Variants in MIPOL1 observed in about 807,000 individuals in gnomAD.
MIPOL1 encodes mirror-image polydactyly 1.
MIPOL1 carries 57 observed loss-of-function variants against 60.9 expected under a neutral mutation model. The ratio of observed to expected loss-of-function variants is 0.94; its 90% CI spans 0.76 to 1.17. MIPOL1 has a LOEUF of 1.17. Among genes scored for constraint, MIPOL1 ranks in the 50% most tolerant of loss-of-function variants. MIPOL1 has a pLI of 0.00. For synonymous variants in MIPOL1, 179 were observed against 168.8 expected, an observed-to-expected ratio of 1.06 and a Z score of -0.47; for missense variants, 551 against 511.6, an observed-to-expected ratio of 1.08 and a Z score of -0.74.
intron 7 of MIPOL1, among the ~76,000 whole-genome samples, chr14:37,296,725 G>A (rs1438612118): frequency 2.0e-5 from 3 of 152,074 alleles, no homozygotes; most frequent in East Asian, 3.9e-4. Flanking sequence ...TAAATTCCTG[G>A]ACACATACAC....
chr14:37,267,570 T>G (rs1442208869), intron 4 of MIPOL1, among the ~76,000 whole-genome samples: 1 of 152,154 alleles, frequency 6.6e-6, no homozygotes, highest in Non-Finnish European at 1.5e-5. Context: ...CCTTCTTTCT[T>G]TTTGGTGTTG....
At chr14:37,482,343 G>C (rs544288061) in intron 11 of MIPOL1, among the ~76,000 whole-genome samples, 1 of 152,226 alleles carries the variant, frequency 6.6e-6, no homozygotes, top group South Asian at 2.1e-4. Context: ...GCTAATTATA[G>C]GGAAATGCAA....
chr14:37,323,819 T>G (rs1196751696), intron 9 of MIPOL1, among the ~76,000 whole-genome samples: 1 of 152,014 alleles, frequency 6.6e-6, no homozygotes, highest in East Asian at 1.9e-4. Context: ...AATTACAGAT[T>G]TGTTTTGCTT....
intron 10 of MIPOL1, among the ~76,000 whole-genome samples, chr14:37,371,815 T>C (rs545217844): frequency 2.0e-5 from 3 of 152,262 alleles, no homozygotes; most frequent in Admixed American, 2.0e-4. Context: ...AGTTTTTGTT[T>C]TTTATTTGAT....
At chr14:37,468,987 A>G (rs1287817806) in intron 11 of MIPOL1, among the ~76,000 whole-genome samples, 1 of 152,188 alleles carries the variant, frequency 6.6e-6, no homozygotes, top group Non-Finnish European at 1.5e-5. Context: ...GAGGTTTAAG[A>G]AATTTGGACT....
chr14:37,394,057 C>CATATATATATATATATATATATAT lies in MIPOL1; in HGVS notation c.936+24438_936+24461dup, dbSNP rs56361320. Among the ~76,000 whole-genome samples, 289 of 73,170 alleles carry CATATATATATATATATATATATAT rather than the reference C, an allele frequency of 3.9e-3. 6 individuals are homozygous for CATATATATATATATATATATATAT. The highest frequency in any genetic ancestry group is 6.6e-3 in the African/African-American group (138 of 20,966). 48.0% of individuals were successfully genotyped at this position (73,170 alleles called of 152,430 possible). A position where few individuals can be genotyped will look rare whatever the true frequency, so the allele number is the denominator to read the frequency against. The stretch of plus-strand genomic sequence containing the variant: ...ATTCCTTTTTATGGCTTAGTAGTGG[C>CATATATATATATATATATATATAT]ATATATATATATATATATATATATA... On this transcript the variant is annotated intron_variant, in intron 10 of 12. Transcript: ENST00000684589.
intron 6 of MIPOL1, chr14:37,277,355 A>C (rs1370352451): frequency 6.6e-6 from 1 of 151,288 alleles, no homozygotes; most frequent in Non-Finnish European, 1.5e-5. Context: ...TAGTAAATAA[A>C]AATTTTTTAA....
intron 9 of MIPOL1, among the ~76,000 whole-genome samples, chr14:37,321,541 T>C (rs900168929): frequency 6.6e-6 from 1 of 151,968 alleles, no homozygotes; most frequent in South Asian, 2.1e-4. Context: ...TTCATGAAGT[T>C]TGTATATTCT....
intron 10 of MIPOL1, among the ~76,000 whole-genome samples, chr14:37,419,411 A>G (rs1036757063): frequency 1.3e-5 from 2 of 152,220 alleles, no homozygotes; most frequent in Non-Finnish European, 2.9e-5. Context: ...ATTCTGTGTC[A>G]AGACTGGATA....
At chr14:37,198,757 CA>C (rs1566957732) in intron 1 of MIPOL1, among the ~76,000 whole-genome samples, 1 of 152,124 alleles carries the variant, frequency 6.6e-6, no homozygotes, top group Non-Finnish European at 1.5e-5. Context: ...GCATTTTATG[CA>C]GGTTAAATCA....
At chr14:37,388,488 T>G (rs76401095) in intron 10 of MIPOL1, among the ~76,000 whole-genome samples, 12 of 141,988 alleles carry the variant, frequency 8.5e-5, no homozygotes, top group Admixed American at 2.1e-4. Context: ...TTTTTTGTGT[T>G]TTTTTTTTTT....
intron 6 of MIPOL1, among the ~76,000 whole-genome samples, chr14:37,271,005 C>T (rs1194758481): frequency 6.6e-6 from 1 of 151,960 alleles, no homozygotes; most frequent in Non-Finnish European, 1.5e-5. Context: ...CATCTGATGA[C>T]GTAGACGCTA....
chr14:37,350,060 T>C, intron 9 of MIPOL1, among the ~76,000 whole-genome samples: 1 of 152,224 alleles, frequency 6.6e-6, no homozygotes, highest in East Asian at 1.9e-4. Flanking sequence ...TTATTTCCTG[T>C]CTCTTTCTGT....
intron 3 of MIPOL1, among the ~76,000 whole-genome samples, chr14:37,255,710 A>C (rs1461584528): frequency 6.6e-6 from 1 of 151,792 alleles, no homozygotes; most frequent in Non-Finnish European, 1.5e-5. Flanking sequence ...AATTAAGTAG[A>C]CTATAGTGTA....
chr14:37,233,933 G>A (rs1306902878), intron 1 of MIPOL1, among the ~76,000 whole-genome samples: 2 of 152,124 alleles, frequency 1.3e-5, no homozygotes, highest in African/African-American at 4.8e-5. Context: ...TGCTTTGACT[G>A]GACCACTTTC....
Position 37,215,409 on chromosome 14 carries a change from G to A in MIPOL1, c.-199+17305G>A, listed in dbSNP as rs533852908. Among the ~76,000 whole-genome samples, 35 of 151,804 alleles carry A rather than the reference G, an allele frequency of 2.3e-4. No homozygotes were observed. In the South Asian group the frequency reaches 6.1e-3, roughly 26 times the overall value. The stretch of plus-strand genomic sequence containing the variant: ...TCTACAATCTTTTGTCTCCGCACAC[G>A]GGGAGAAAAACCCACTGACCCTCTG... On this transcript the variant is annotated intron_variant, in intron 1 of 12. Coordinates refer to ENST00000684589, the MANE Select transcript of MIPOL1 (RefSeq NM_001388067.1).
chr14:37,379,250 G>T (rs1446338674), intron 10 of MIPOL1, among the ~76,000 whole-genome samples: 1 of 151,976 alleles, frequency 6.6e-6, no homozygotes, highest in African/African-American at 2.4e-5. Flanking sequence ...AAGACAACTG[G>T]CTATTCATAT....
At chr14:37,436,969 C>T (rs994159990) in intron 11 of MIPOL1, among the ~76,000 whole-genome samples, 1 of 152,132 alleles carries the variant, frequency 6.6e-6, no homozygotes, top group African/African-American at 2.4e-5. Context: ...ATTCCAAAAA[C>T]ATTATTTTAT....
chr14:37,291,651 A>AT (rs2085066721), intron 7 of MIPOL1, among the ~76,000 whole-genome samples: 1 of 151,836 alleles, frequency 6.6e-6, no homozygotes, highest in Non-Finnish European at 1.5e-5. Flanking sequence ...AGTATCTGGG[A>AT]CTAGGTAATT....
Sources: allele counts gnomAD v4.1 joint callset (sites outside exome capture counted in the v4.1 genomes callset), GRCh38; gene constraint gnomAD v4.1.1; transcripts MANE v1.5; gene names NCBI Gene and HGNC (gene_info 2026-07-23, HGNC 2026-07-21).